SRBD1: variants seen among roughly 807,000 people sequenced by gnomAD.
SRBD1 encodes the protein S1 RNA binding domain 1, also known as S1 RNA-binding domain-containing protein 1.
In SRBD1, 88 loss-of-function variants were observed where a neutral mutation model predicts 115.3. The observed-to-expected ratio is 0.76, with a 90% CI of 0.64 to 0.91. SRBD1 has a LOEUF of 0.91. Ranked by LOEUF, SRBD1 falls within the 40% of genes least tolerant of loss-of-function variation. The probability of loss-of-function intolerance (pLI) is 0.00; values close to 1 mark genes in which losing one functional copy is unlikely to be tolerated. For synonymous variants in SRBD1, 509 were observed against 407.7 expected (o/e 1.25, Z -2.99); for missense variants, 1,385 against 1,177.4 (o/e 1.18, Z -2.58).
chr2:45,391,869 ATT>A (rs1243375514), intron 20 of SRBD1, among the ~76,000 whole-genome samples: 1 of 152,180 alleles, frequency 6.6e-6, no homozygotes. Context: ...CAGTTACAGC[ATT>A]TTTTGCCAAC....
intron 19 of SRBD1, among the ~76,000 whole-genome samples, chr2:45,408,516 A>C (rs1667502108): frequency 6.6e-6 from 1 of 152,186 alleles, no homozygotes; most frequent in Non-Finnish European, 1.5e-5. Flanking sequence ...AGAAAGGTGA[A>C]GTCACTAGCA....
At chr2:45,389,670 G>T in intron 20 of SRBD1, 71 bp from the exon 21 acceptor site, 1 of 1,425,596 alleles carries the variant, frequency 7.0e-7, no homozygotes, top group Non-Finnish European at 9.5e-7. Context: ...TTGTGAATAA[G>T]TACTTACTAC....
chr2:45,592,969 T>G (rs1462953055), intron 4 of SRBD1, among the ~76,000 whole-genome samples: 1 of 152,068 alleles, frequency 6.6e-6, no homozygotes, highest in Non-Finnish European at 1.5e-5. Context: ...AGAGAACAAG[T>G]CTTAGAGTTG....
chr2:45,413,151 T>C lies in SRBD1; in HGVS notation c.2476A>G (p.Thr826Ala), dbSNP rs1667653357. ...TCATATGATTCTGGATGAATACAAGTTTGGTCCAAAGGATTTGGCTTCAGT... is the reference window on the plus strand; with the variant it reads ...TCATATGATTCTGGATGAATACAAGCTTGGTCCAAAGGATTTGGCTTCAGT... Reference protein sequence around the residue: ...VLLKPNPLDQTCIHPESYDIA... With the variant: ...VLLKPNPLDQACIHPESYDIA... Residue 826 changes from threonine to alanine, a missense_variant, in exon 19 of 21, where the codon ACT becomes GCT. Transcript: ENST00000263736. The C allele has an allele frequency of 1.2e-6, 2 of 1,613,942 alleles. No individual in the cohort carries two copies. The highest frequency in any genetic ancestry group is 2.7e-5 in the African/African-American group (2 of 74,922).
intron 10 of SRBD1, among the ~76,000 whole-genome samples, chr2:45,559,520 C>T (rs149713073): frequency 2.3e-4 from 35 of 152,232 alleles, no homozygotes; most frequent in Non-Finnish European, 2.5e-4. Flanking sequence ...CATTAAACTA[C>T]GCTGTCATCA....
At chr2:45,399,501 T>C (rs1667236322) in intron 19 of SRBD1, among the ~76,000 whole-genome samples, 1 of 152,116 alleles carries the variant, frequency 6.6e-6, no homozygotes, top group Non-Finnish European at 1.5e-5. Context: ...GTAGATTTGC[T>C]GATAAGAAAA....
intron 10 of SRBD1, among the ~76,000 whole-genome samples, chr2:45,558,011 T>C (rs368792330): frequency 5.3e-5 from 8 of 152,322 alleles, no homozygotes; most frequent in Admixed American, 4.6e-4. Context: ...TTCATATATA[T>C]AAGATAAAGA....
intron 10 of SRBD1, among the ~76,000 whole-genome samples, chr2:45,559,176 T>A (rs1672580584): frequency 6.6e-6 from 1 of 152,208 alleles, no homozygotes; most frequent in African/African-American, 2.4e-5. Context: ...TATCTACTCT[T>A]GATTCCTTCC....
At chr2:45,417,709 T>C (rs1667872710) in intron 18 of SRBD1, among the ~76,000 whole-genome samples, 3 of 152,100 alleles carry the variant, frequency 2.0e-5, no homozygotes, top group African/African-American at 7.2e-5. Flanking sequence ...ATTTAGCTCT[T>C]GATCCACACA....
intron 16 of SRBD1, among the ~76,000 whole-genome samples, chr2:45,445,466 G>T (rs1668792167): frequency 7.1e-6 from 1 of 141,168 alleles, no homozygotes; most frequent in Admixed American, 7.6e-5. Flanking sequence ...AATTTTAGAG[G>T]ATTTACTACA....
chr2:45,419,661 T>A, intron 17 of SRBD1, 127 bp downstream of exon 17: 3 of 692,448 alleles, frequency 4.3e-6, no homozygotes, highest in Non-Finnish European at 7.6e-6. Context: ...CTTAAAGCAA[T>A]GTATAAACCC....
At chr2:45,588,219 G>A (rs748649873) in intron 4 of SRBD1, among the ~76,000 whole-genome samples, 2 of 152,026 alleles carry the variant, frequency 1.3e-5, no homozygotes, top group South Asian at 2.1e-4. Context: ...CTGATTTCCC[G>A]TTGCATTTGG....
At chr2:45,411,484 A>G (rs1169636299) in intron 19 of SRBD1, among the ~76,000 whole-genome samples, 2 of 152,182 alleles carry the variant, frequency 1.3e-5, no homozygotes, top group Non-Finnish European at 2.9e-5. Context: ...GTACAATTGT[A>G]TGGTAGAGGG....
intron 1 of SRBD1, among the ~76,000 whole-genome samples, chr2:45,607,547 A>G (rs1244282531): frequency 6.6e-6 from 1 of 152,168 alleles, no homozygotes; most frequent in Non-Finnish European, 1.5e-5. Context: ...AGACTAACAA[A>G]TTGCAACACA....
intron 16 of SRBD1, among the ~76,000 whole-genome samples, chr2:45,438,641 GA>G (rs1558394993): frequency 1.8e-5 from 2 of 113,392 alleles, no homozygotes; most frequent in Non-Finnish European, 4.5e-5. Context: ...CAGTGAACAC[GA>G]AGAGAGATAT....
rs1383339858 is a variant in SRBD1, at chr2:45,601,889, G to A, written c.261+14C>T. The A allele has an allele frequency of 1.9e-6, 3 of 1,613,800 alleles. No homozygotes were observed. The highest frequency in any genetic ancestry group is 3.3e-5 in the Admixed American group (2 of 60,004). Reference sequence around the variant, plus strand: ...GACACTACAGAGTTCCCTCTATCCAGCTGTAGCACCTACCAGCTCCTCCTT... The same window carrying A: ...GACACTACAGAGTTCCCTCTATCCAACTGTAGCACCTACCAGCTCCTCCTT... On this transcript the variant is annotated intron_variant, in intron 3 of 20. Transcript: ENST00000263736.
At position 45,476,975 on chromosome 2, in the gene SRBD1, T is replaced by C. The variant is rs545204626; in HGVS notation, c.2049+18A>G. The C allele has an allele frequency of 2.5e-6, 4 of 1,610,226 alleles. No individual in the cohort carries two copies. Among genetic ancestry groups the C allele is most frequent in the Non-Finnish European group, 3.4e-6 (4 of 1,177,082 alleles). On this transcript the variant is annotated intron_variant, in intron 16 of 20. Coordinates refer to ENST00000263736, the MANE Select transcript of SRBD1 (RefSeq NM_018079.5). Reference sequence around the variant, plus strand: ...GTATTGATGGATTTCATAAATTAAATGATCCACATAGCTTTACCTGATACA... The same window carrying C: ...GTATTGATGGATTTCATAAATTAAACGATCCACATAGCTTTACCTGATACA...
intron 5 of SRBD1, among the ~76,000 whole-genome samples, chr2:45,582,525 C>T (rs1673397493): frequency 6.6e-6 from 1 of 152,060 alleles, no homozygotes; most frequent in Admixed American, 6.6e-5. Context: ...ATATAATTAT[C>T]CCATTCCTCA....
At chr2:45,407,859 T>TA (rs1362477759) in intron 19 of SRBD1, among the ~76,000 whole-genome samples, 1 of 151,916 alleles carries the variant, frequency 6.6e-6, no homozygotes, top group African/African-American at 2.4e-5. Flanking sequence ...AACTCATACA[T>TA]AAATAAGGCC....
Sources: gnomAD v4.1 joint callset for allele counts (sites outside exome capture counted in the v4.1 genomes callset) on GRCh38, gnomAD v4.1.1 for gene constraint, MANE v1.5 for transcripts, NCBI Gene and HGNC (gene_info 2026-07-23, HGNC 2026-07-21) for gene names.